NEBL: variants seen among roughly 807,000 people sequenced by gnomAD.
NEBL encodes LIM and SH3 protein 2.
A neutral mutation model predicts 140.2 loss-of-function variants in NEBL; 122 were observed. That is an observed-to-expected ratio of 0.87 (90% CI 0.75 to 1.01). The LOEUF (loss-of-function observed/expected upper bound fraction) is 1.01, where lower values mean the gene tolerates loss of function less well. Among genes scored for constraint, NEBL ranks in the 50% least tolerant of loss-of-function variants. The pLI is 0.00. For synonymous variants in NEBL, 436 were observed against 398.9 expected, an observed-to-expected ratio of 1.09 and a Z score of -1.11; for missense variants, 1,365 against 1,231.3, an observed-to-expected ratio of 1.11 and a Z score of -1.62.
chr10:20,856,463 A>G (rs988790574), intron 9 of NEBL, among the ~76,000 whole-genome samples: 1 of 152,232 alleles, frequency 6.6e-6, no homozygotes, highest in African/African-American at 2.4e-5. Context: ...AAGTATGGCT[A>G]GAGAAAGGTC....
chr10:21,142,754 G>T (rs1470939523), intron 2 of NEBL, among the ~76,000 whole-genome samples: 2 of 152,112 alleles, frequency 1.3e-5, no homozygotes, highest in Non-Finnish European at 2.9e-5. Context: ...TCTCACAGGA[G>T]CATGGCCCCT....
chr10:21,235,433 G>C (rs1044326576), intron 3 of NEBL, among the ~76,000 whole-genome samples: 1 of 152,178 alleles, frequency 6.6e-6, no homozygotes, highest in Non-Finnish European at 1.5e-5. Context: ...TCCTGCCTCA[G>C]CCTCCCTAGT....
intron 2 of NEBL, among the ~76,000 whole-genome samples, chr10:21,049,886 T>G (rs947294975): frequency 2.6e-5 from 4 of 152,164 alleles, no homozygotes; most frequent in Non-Finnish European, 5.9e-5. Flanking sequence ...TATTACTTCT[T>G]ATTGGTATAA....
intron 1 of NEBL, among the ~76,000 whole-genome samples, chr10:21,261,523 G>T (rs944363833): frequency 7.9e-5 from 12 of 151,900 alleles, no homozygotes; most frequent in Non-Finnish European, 1.8e-4. Flanking sequence ...AGCCAGGCGT[G>T]GTGGTCCCAG....
intron 3 of NEBL, among the ~76,000 whole-genome samples, chr10:20,984,551 A>G (rs1837180323): frequency 6.6e-6 from 1 of 152,112 alleles, no homozygotes; most frequent in Non-Finnish European, 1.5e-5. Context: ...ACTTGTTTTA[A>G]GCCAGAACAT....
At chr10:21,184,797 A>T (rs534604307) in intron 3 of NEBL, among the ~76,000 whole-genome samples, 1 of 152,246 alleles carries the variant, frequency 6.6e-6, no homozygotes, top group South Asian at 2.1e-4. Context: ...GGTTATAAAA[A>T]CATTTGTTCG....
rs764660314 is a variant in NEBL, at chr10:20,815,636, TTTC to T, written c.2227_2229del (p.Glu743del). ...AGAAAACCACTTGCCGAGCTAATAT[TTTC>T]TTGATTCTTCTTCACTCTTTCCATT... is the stretch of plus-strand genomic sequence containing the variant. On this transcript the variant is annotated inframe_deletion, in exon 22 of 28. Coordinates refer to ENST00000377122, the MANE Select transcript of NEBL (RefSeq NM_006393.3). 6.2e-7 allele frequency: 1 copy of T among 1,608,854 alleles called. No homozygotes were observed. The highest frequency in any genetic ancestry group is 8.5e-7 in the Non-Finnish European group (1 of 1,175,350).
At chr10:20,999,873 A>G (rs1044657783) in intron 3 of NEBL, among the ~76,000 whole-genome samples, 3 of 152,068 alleles carry the variant, frequency 2.0e-5, no homozygotes, top group Non-Finnish European at 2.9e-5. Flanking sequence ...AATTCAAAGA[A>G]ATGCAATTTC....
In NEBL at chr10:20,880,535, A is replaced by G. The variant is rs532313436; in HGVS notation, c.480+259T>C. On this transcript the variant is annotated intron_variant, in intron 5 of 27. Coordinates refer to ENST00000377122, the MANE Select transcript of NEBL (RefSeq NM_006393.3). ...AAGCTCTGGAAATGCTTGATAACCC[A>G]ATAGGTCTGAAGGATCTACATTTGT... 2.6e-5 allele frequency among the ~76,000 whole-genome samples: 4 copies of G among 152,260 alleles called. No individual in the cohort carries two copies. The South Asian group carries it at 6.2e-4, about 24-fold the overall frequency.
intron 4 of NEBL, among the ~76,000 whole-genome samples, chr10:20,925,079 G>A (rs948893818): frequency 2.0e-5 from 3 of 151,460 alleles, no homozygotes; most frequent in Non-Finnish European, 1.5e-5. Flanking sequence ...GTGTAGCCCC[G>A]GAAATAAAAT....
At chr10:21,208,328 T>C (rs1276652735) in intron 3 of NEBL, among the ~76,000 whole-genome samples, 1 of 152,174 alleles carries the variant, frequency 6.6e-6, no homozygotes, top group Non-Finnish European at 1.5e-5. Flanking sequence ...TGTCTCATAA[T>C]GTGCAAGTTG....
chr10:21,108,356 G>A (rs551323634), intron 2 of NEBL, among the ~76,000 whole-genome samples: 10 of 152,258 alleles, frequency 6.6e-5, no homozygotes, highest in East Asian at 1.9e-4. Flanking sequence ...ATTCTGGTAC[G>A]TTGTGTCTTC....
intron 2 of NEBL, among the ~76,000 whole-genome samples, chr10:21,146,097 G>C (rs1002416026): frequency 4.6e-5 from 7 of 152,192 alleles, no homozygotes; most frequent in African/African-American, 1.4e-4. Context: ...AAATTCATTT[G>C]AGTCTTCCTT....
intron 5 of NEBL, among the ~76,000 whole-genome samples, chr10:20,875,209 A>G (rs1278190935): frequency 6.6e-6 from 1 of 151,848 alleles, no homozygotes; most frequent in Non-Finnish European, 1.5e-5. Flanking sequence ...TCTCCTTATA[A>G]TCCTCCCACT....
intron 3 of NEBL, among the ~76,000 whole-genome samples, chr10:20,990,400 T>C (rs1837413564): frequency 6.6e-6 from 1 of 152,194 alleles, no homozygotes; most frequent in Non-Finnish European, 1.5e-5. Flanking sequence ...GACAGGGACC[T>C]CGTGATTGGG....
chr10:21,061,508 A>G (rs1440517686), intron 2 of NEBL, among the ~76,000 whole-genome samples: 1 of 148,002 alleles, frequency 6.8e-6, no homozygotes, highest in Non-Finnish European at 1.5e-5. Context: ...CATATATTAC[A>G]TTATATATTA....
At chr10:20,879,048 T>C (rs187589467) in intron 5 of NEBL, among the ~76,000 whole-genome samples, 1 of 152,312 alleles carries the variant, frequency 6.6e-6, no homozygotes, top group East Asian at 1.9e-4. Context: ...CTCTTCAGTG[T>C]CAAAATACTG....
intron 19 of NEBL, among the ~76,000 whole-genome samples, chr10:20,820,948 AGG>A (rs1327293370): frequency 6.6e-6 from 1 of 152,176 alleles, no homozygotes; most frequent in African/African-American, 2.4e-5. Context: ...ATAAATGAAA[AGG>A]GGTAAGGTTC....
chr10:21,104,331 T>C (rs985117202), intron 2 of NEBL, among the ~76,000 whole-genome samples: 4 of 152,246 alleles, frequency 2.6e-5, no homozygotes, highest in African/African-American at 9.6e-5. Context: ...GGAGAACTGA[T>C]ATCTTAACAA....
Sources: gnomAD v4.1 joint callset for allele counts (sites outside exome capture counted in the v4.1 genomes callset) on GRCh38, gnomAD v4.1.1 for gene constraint, MANE v1.5 for transcripts, NCBI Gene and HGNC (gene_info 2026-07-23, HGNC 2026-07-21) for gene names.